Variants in HBS1L observed in about 807,000 individuals in gnomAD.
The protein encoded by HBS1L is HBS1 like translational GTPase.
In HBS1L, 55 loss-of-function variants were observed where a neutral mutation model predicts 88.9. That is an observed-to-expected ratio of 0.62 (90% CI 0.50 to 0.77). The LOEUF (loss-of-function observed/expected upper bound fraction) is 0.77, where lower values mean the gene tolerates loss of function less well. HBS1L is among the 30% of genes least tolerant of loss of function. The pLI is 0.00. For missense variants in HBS1L, 741 were observed against 829.3 expected (o/e 0.89, Z 1.31); for synonymous variants, 267 against 288.5 (o/e 0.93, Z 0.76).
At chr6:135,002,658 CT>C (rs1373839828) in intron 5 of HBS1L, 75 bp downstream of exon 5, 2 of 761,884 alleles carry the variant, frequency 2.6e-6, no homozygotes, top group African/African-American at 4.2e-5. Context: ...GAAACAGTCT[CT>C]TTCTTACAGA....
At chr6:135,047,344 A>G (rs994197014) in intron 2 of HBS1L, among the ~76,000 whole-genome samples, 3 of 152,230 alleles carry the variant, frequency 2.0e-5, no homozygotes, top group Non-Finnish European at 2.9e-5. Context: ...CCTCTGAAAG[A>G]TTCCACGCTT....
rs1402079845 is a variant in HBS1L, at chr6:135,039,635, T to C, written c.368A>G (p.Asp123Gly). The C allele has an allele frequency of 3.7e-6, 6 of 1,614,050 alleles. No homozygotes were observed. The highest frequency in any genetic ancestry group is 1.1e-5 in the South Asian group (1 of 91,088). Residue 123 changes from aspartate (D) to glycine (G), a missense_variant, in exon 4 of 18, where the codon GAT becomes GGT. Coordinates refer to ENST00000367837, the MANE Select transcript of HBS1L (RefSeq NM_006620.4). ...QKALSGVLEQ[D>G]RVQSLKDKNE... Reference sequence around the variant, plus strand: ...CTTGTCCTTCAAACTCTGCACTCTATCTTGTTCCAGAACCCCTGACAAAGC... The same window carrying C: ...CTTGTCCTTCAAACTCTGCACTCTACCTTGTTCCAGAACCCCTGACAAAGC...
chr6:135,045,965 C>T (rs1031727894), intron 2 of HBS1L, among the ~76,000 whole-genome samples: 1 of 152,184 alleles, frequency 6.6e-6, no homozygotes, highest in Non-Finnish European at 1.5e-5. Flanking sequence ...GATCAGTTAT[C>T]TGCACAAAAT....
intron 14 of HBS1L, 111 bp downstream of exon 14, chr6:134,979,067 T>C: frequency 4.0e-6 from 3 of 746,184 alleles, no homozygotes; most frequent in Admixed American, 4.4e-5. Context: ...CAGGTGTCTA[T>C]TTTTGGTCAA....
At chr6:135,042,416 A>T (rs1776768533) in intron 2 of HBS1L, among the ~76,000 whole-genome samples, 1 of 152,106 alleles carries the variant, frequency 6.6e-6, no homozygotes, top group South Asian at 2.1e-4. Flanking sequence ...TACCTTTCCT[A>T]ATATCTCTTC....
intron 15 of HBS1L, among the ~76,000 whole-genome samples, chr6:134,971,883 C>T (rs532687277): frequency 6.6e-6 from 1 of 152,196 alleles, no homozygotes; most frequent in Admixed American, 6.5e-5. Flanking sequence ...CACTTATCTG[C>T]AATTCCCAAG....
chr6:135,034,021 A>T (rs1776460546), intron 4 of HBS1L, among the ~76,000 whole-genome samples: 1 of 152,228 alleles, frequency 6.6e-6, no homozygotes, highest in Admixed American at 6.5e-5. Context: ...CAAATTTTAA[A>T]ATCATTCACA....
chr6:134,971,194 T>C (rs1436187446), intron 15 of HBS1L, among the ~76,000 whole-genome samples: 1 of 151,644 alleles, frequency 6.6e-6, no homozygotes, highest in Non-Finnish European at 1.5e-5. Context: ...GAGTCAGAAC[T>C]GGAAAGATTC....
Position 134,965,008 on chromosome 6 carries a change from C to A in HBS1L, c.*271G>T. 2.1e-6 allele frequency: 1 copy of A among 485,302 alleles called. No individual in the cohort carries two copies. 30.1% of individuals were successfully genotyped at this position (485,302 alleles called of 1,614,324 possible). ...GTATCTTCAGATACTATTTTTGACA[C>A]TTGCCATAAATCTTAGCAAAGTAAA... On this transcript the variant is annotated 3_prime_UTR_variant, in exon 18 of 18. Transcript: ENST00000367837.
At chr6:134,967,967 G>C (rs182218357) in intron 16 of HBS1L, among the ~76,000 whole-genome samples, 23 of 152,244 alleles carry the variant, frequency 1.5e-4, no homozygotes, top group Non-Finnish European at 2.9e-5. Context: ...TAAATATAAA[G>C]ATCTACCTTT....
At chr6:134,976,435 A>C (rs1032321718) in intron 15 of HBS1L, among the ~76,000 whole-genome samples, 1 of 152,142 alleles carries the variant, frequency 6.6e-6, no homozygotes, top group Admixed American at 6.6e-5. Context: ...ATAAGTCATT[A>C]TATCAAAAAG....
At chr6:134,984,031 A>G (rs1237665582) in intron 12 of HBS1L, among the ~76,000 whole-genome samples, 1 of 152,192 alleles carries the variant, frequency 6.6e-6, no homozygotes, top group African/African-American at 2.4e-5. Context: ...AGGTCATTTC[A>G]TGACCTCAGG....
chr6:134,965,182 T>C lies in HBS1L; in HGVS notation c.*97A>G. 1 of 977,918 alleles carries C rather than the reference T, an allele frequency of 1.0e-6. No homozygotes were observed. The highest frequency in any genetic ancestry group is 1.3e-5 in the South Asian group (1 of 74,310). 60.6% of individuals were successfully genotyped at this position (977,918 alleles called of 1,614,324 possible). A position where few individuals can be genotyped will look rare whatever the true frequency, so the allele number is the denominator to read the frequency against. Reference sequence around the variant, plus strand: ...TTTTTCTCTCTCATCTAAAAACATATCAATTGCACATTGTTCCTTTGACTT... The same window carrying C: ...TTTTTCTCTCTCATCTAAAAACATACCAATTGCACATTGTTCCTTTGACTT... On this transcript the variant is annotated 3_prime_UTR_variant, in exon 18 of 18. Coordinates refer to ENST00000367837, the MANE Select transcript of HBS1L (RefSeq NM_006620.4).
intron 15 of HBS1L, among the ~76,000 whole-genome samples, chr6:134,974,252 T>C (rs758893540): frequency 6.6e-6 from 1 of 151,228 alleles, no homozygotes; most frequent in Non-Finnish European, 1.5e-5. Flanking sequence ...TGAGAATAAA[T>C]CAGTAATAAA....
intron 2 of HBS1L, among the ~76,000 whole-genome samples, chr6:135,049,246 G>A (rs1001929865): frequency 2.6e-5 from 4 of 152,170 alleles, no homozygotes; most frequent in Non-Finnish European, 5.9e-5. Flanking sequence ...CCTACTTGCT[G>A]TGTCCTAACA....
At chr6:135,049,014 G>T (rs1434709913) in intron 2 of HBS1L, among the ~76,000 whole-genome samples, 1 of 152,090 alleles carries the variant, frequency 6.6e-6, no homozygotes, top group African/African-American at 2.4e-5. Context: ...GTCTGCAGAG[G>T]CTAAAAATAG....
chr6:134,990,763 G>A (rs144168944), intron 8 of HBS1L, among the ~76,000 whole-genome samples: 1 of 152,222 alleles, frequency 6.6e-6, no homozygotes, highest in Non-Finnish European at 1.5e-5. Flanking sequence ...TGTTGCCCAG[G>A]CTGGTCTTGA....
rs754395856 is a variant in HBS1L at position 134,996,954 on chromosome 6, T to A, written c.800-12A>T. 1 of 1,559,450 alleles carries A rather than the reference T, an allele frequency of 6.4e-7. No individual in the cohort carries two copies. The highest frequency in any genetic ancestry group is 2.1e-5 in the Admixed American group (1 of 48,264). On this transcript the variant is annotated splice_polypyrimidine_tract_variant and intron_variant, in intron 6 of 17. Transcript: ENST00000367837. ...AGCATCAACATGACCTAAAGAAAAT[T>A]GATTCAGGATTAATACCAGGTACAT... is the stretch of plus-strand genomic sequence containing the variant.
rs1290341758 is a variant in HBS1L at position 134,963,127 on chromosome 6, C to T, written c.*2152G>A. ...GAGTGGATGGTTTCTTGTTTTTACTCCCCCTACCTTAAACCCCAATCCATT... is the reference window on the plus strand; with the variant it reads ...GAGTGGATGGTTTCTTGTTTTTACTTCCCCTACCTTAAACCCCAATCCATT... On this transcript the variant is annotated 3_prime_UTR_variant, in exon 18 of 18. Transcript: ENST00000367837. The T allele has an allele frequency of 6.6e-6, 1 of 152,120 alleles. No individual in the cohort carries two copies. The highest frequency in any genetic ancestry group is 6.5e-5 in the Admixed American group (1 of 15,268). The allele number at this position is 152,120 out of a possible 1,614,324, so 9.4% of individuals were successfully genotyped here.
Sources: allele counts gnomAD v4.1 joint callset (sites outside exome capture counted in the v4.1 genomes callset), GRCh38; gene constraint gnomAD v4.1.1; transcripts MANE v1.5; gene names NCBI Gene and HGNC (gene_info 2026-07-23, HGNC 2026-07-21).